Variants in TPTE2 observed in about 807,000 individuals in gnomAD.
The protein encoded by TPTE2 is phosphatidylinositol 3,4,5-trisphosphate 3-phosphatase TPTE2.
Under a neutral mutation model 78.6 loss-of-function variants are expected in TPTE2, and 53 were observed. That is an observed-to-expected ratio of 0.67 (90% CI 0.54 to 0.85). The LOEUF (loss-of-function observed/expected upper bound fraction) is 0.85, where lower values mean the gene tolerates loss of function less well. TPTE2 is among the 40% of genes least tolerant of loss of function. The pLI, the probability that TPTE2 is intolerant of heterozygous loss-of-function variation, is 0.00. For synonymous variants in TPTE2, 175 were observed against 206.2 expected (o/e 0.85, Z 1.30); for missense variants, 461 against 623.0 (o/e 0.74, Z 2.77).
chr13:19,467,353 TAAAAAAA>T lies in TPTE2; in HGVS notation c.393-16_393-10del. On this transcript the variant is annotated splice_polypyrimidine_tract_variant and intron_variant, in intron 6 of 19. Transcript: ENST00000400230. ...AAAAATACTGCTGTCTCCTGTAATA[TAAAAAAA>T]AAAAAAAAAAAGTTCATTTCCCTCT... 2 of 1,193,380 alleles carry T rather than the reference TAAAAAAA, an allele frequency of 1.7e-6. No individual in the cohort carries two copies. The highest frequency in any genetic ancestry group is 2.3e-5 in the South Asian group (1 of 44,282). 73.9% of individuals were successfully genotyped at this position (1,193,380 alleles called of 1,614,324 possible). A position where few individuals can be genotyped will look rare whatever the true frequency, so the allele number is the denominator to read the frequency against.
chr13:19,494,859 G>T (rs1424411267), intron 1 of TPTE2, among the ~76,000 whole-genome samples: 1 of 152,188 alleles, frequency 6.6e-6, no homozygotes, highest in Admixed American at 6.5e-5. Flanking sequence ...GCTACAGTTA[G>T]TCTATGTGTC....
chr13:19,516,635 A>T (rs992615399), intron 1 of TPTE2, among the ~76,000 whole-genome samples: 4 of 152,188 alleles, frequency 2.6e-5, no homozygotes, highest in Non-Finnish European at 5.9e-5. Context: ...TCAGGTGTTA[A>T]TTGCAATGGG....
At chr13:19,444,299 T>C (rs1426333447) in intron 13 of TPTE2, among the ~76,000 whole-genome samples, 3 of 88,532 alleles carry the variant, frequency 3.4e-5, no homozygotes, top group Non-Finnish European at 5.8e-5. Context: ...AGAATGAGAC[T>C]CTGCCACAAA....
At chr13:19,526,621 C>T (rs1170315375) in intron 1 of TPTE2, among the ~76,000 whole-genome samples, 3 of 152,134 alleles carry the variant, frequency 2.0e-5, no homozygotes, top group African/African-American at 4.8e-5. Context: ...AGGTACTATG[C>T]TTATCACCTG....
chr13:19,438,013 C>G (rs1877224819), intron 14 of TPTE2, 79 bp downstream of exon 17: 2 of 1,564,960 alleles, frequency 1.3e-6, no homozygotes, highest in African/African-American at 2.8e-5. Flanking sequence ...AAATAATCAT[C>G]TTAACGTCCT....
chr13:19,549,042 C>G, the TPTE2 span, among the ~76,000 whole-genome samples: 1 of 151,290 alleles, frequency 6.6e-6, no homozygotes, highest in Non-Finnish European at 1.5e-5. Context: ...ATCACTTAAG[C>G]CTGGGAGGCA....
chr13:19,492,207 C>T (rs1356836234), intron 3 of TPTE2, among the ~76,000 whole-genome samples: 1 of 152,112 alleles, frequency 6.6e-6, no homozygotes, highest in Non-Finnish European at 1.5e-5. Context: ...TCTCTCCTGC[C>T]CATGAGACAC....
the TPTE2 span, among the ~76,000 whole-genome samples, chr13:19,558,772 C>A: frequency 6.6e-6 from 1 of 152,204 alleles, no homozygotes; most frequent in Non-Finnish European, 1.5e-5. Flanking sequence ...CTAGCTTACA[C>A]ATTCCACTGA....
At chr13:19,476,206 C>T (rs1879928132) in intron 4 of TPTE2, among the ~76,000 whole-genome samples, 1 of 152,044 alleles carries the variant, frequency 6.6e-6, no homozygotes, top group African/African-American at 2.4e-5. Flanking sequence ...ACCCGAAAGA[C>T]TGGGCTCCTT....
chr13:19,474,551 A>G (rs529749356), intron 5 of TPTE2, among the ~76,000 whole-genome samples: 2 of 152,332 alleles, frequency 1.3e-5, no homozygotes, highest in East Asian at 3.9e-4. Flanking sequence ...CTCTTAAAAG[A>G]CCAAGATTTT....
At chr13:19,557,638 C>A in the TPTE2 span, among the ~76,000 whole-genome samples, 1 of 152,164 alleles carries the variant, frequency 6.6e-6, no homozygotes, top group East Asian at 1.9e-4. Flanking sequence ...TCTCTCGACG[C>A]CTTCCCAGTT....
chr13:19,474,013 G>C, exon 6 of TPTE2: 1 of 1,609,758 alleles, frequency 6.2e-7, no homozygotes, highest in East Asian at 2.2e-5. Context: ...TTTGCTGTCA[G>C]TGAAAATTAG....
At chr13:19,542,455 G>A in the TPTE2 span, among the ~76,000 whole-genome samples, 2 of 152,056 alleles carry the variant, frequency 1.3e-5, no homozygotes, top group African/African-American at 4.8e-5. Context: ...ATTAGTGTTT[G>A]ACTTTATGGA....
At chr13:19,478,098 T>G (rs1200124039) in intron 4 of TPTE2, among the ~76,000 whole-genome samples, 1 of 152,154 alleles carries the variant, frequency 6.6e-6, no homozygotes. Context: ...TAATTGTTAA[T>G]GTAGCATAAA....
the TPTE2 span, among the ~76,000 whole-genome samples, chr13:19,543,033 T>C: frequency 6.6e-6 from 1 of 151,962 alleles, no homozygotes; most frequent in South Asian, 2.1e-4. Context: ...ACTTACTTCA[T>C]TGATTCTCAG....
intron 6 of TPTE2, among the ~76,000 whole-genome samples, chr13:19,473,595 T>A (rs1275502191): frequency 1.4e-5 from 1 of 72,338 alleles, no homozygotes; most frequent in East Asian, 4.8e-4. Flanking sequence ...TATTTTAAAA[T>A]GCTTTTTTTT....
the TPTE2 span, among the ~76,000 whole-genome samples, chr13:19,545,980 C>T: frequency 6.6e-6 from 1 of 152,114 alleles, no homozygotes; most frequent in Non-Finnish European, 1.5e-5. Flanking sequence ...GAGTTTAAGA[C>T]CAGCCTGAGC....
upstream of TPTE2, among the ~76,000 whole-genome samples, chr13:19,538,863 G>A (rs557049315): frequency 3.5e-4 from 54 of 152,202 alleles, no homozygotes; most frequent in Admixed American, 2.6e-3. Flanking sequence ...TCATAAATCC[G>A]ACAGAATTGG....
At chr13:19,460,778 A>G (rs1360269219) in intron 10 of TPTE2, among the ~76,000 whole-genome samples, 1 of 152,186 alleles carries the variant, frequency 6.6e-6, no homozygotes, top group Non-Finnish European at 1.5e-5. Context: ...GAGGTATAAT[A>G]AGTATTGTAA....
Sources: gnomAD v4.1 joint callset for allele counts (sites outside exome capture counted in the v4.1 genomes callset) on GRCh38, gnomAD v4.1.1 for gene constraint, MANE v1.5 for transcripts, NCBI Gene and HGNC (gene_info 2026-07-23, HGNC 2026-07-21) for gene names.